Variants in ANKRD33B observed in about 807,000 individuals in gnomAD.
ANKRD33B encodes ankyrin repeat domain 33B.
In ANKRD33B, 6 loss-of-function variants were observed where a neutral mutation model predicts 21.5. The ratio of observed to expected loss-of-function variants is 0.28; its 90% CI spans 0.15 to 0.55. ANKRD33B has a LOEUF of 0.55. ANKRD33B is among the 20% of genes least tolerant of loss of function. The pLI is 0.94. For missense variants in ANKRD33B, 698 were observed against 747.2 expected, an observed-to-expected ratio of 0.93 and a Z score of 0.77; for synonymous variants, 347 against 342.4, an observed-to-expected ratio of 1.01 and a Z score of -0.15.
rs112311246 is a variant in ANKRD33B, at chr5:10,578,020, A to G, written c.366+13187A>G. ...GCACAGCCTGTGAGGGGCCTTCAGG[A>G]GTGGGGAAAGGGGCAGTGCCTTGTC... is the stretch of plus-strand genomic sequence containing the variant. On this transcript the variant is annotated intron_variant, in intron 1 of 3. Transcript: ENST00000296657. Among the ~76,000 whole-genome samples, 1,112 of 152,242 alleles carry G rather than the reference A, an allele frequency of 7.3e-3. 6 individuals carry two copies. Among genetic ancestry groups the G allele is most frequent in the Non-Finnish European group, 0.011 (736 of 68,010 alleles).
At chr5:10,566,293 G>T (rs986519687) in intron 1 of ANKRD33B, among the ~76,000 whole-genome samples, 9 of 152,212 alleles carry the variant, frequency 5.9e-5, no homozygotes, top group African/African-American at 2.2e-4. Flanking sequence ...CCTGGCGACA[G>T]ATGCCCTGGC....
At chr5:10,594,179 C>A (rs972309874) in intron 1 of ANKRD33B, among the ~76,000 whole-genome samples, 5 of 150,710 alleles carry the variant, frequency 3.3e-5, no homozygotes, top group African/African-American at 9.8e-5. Context: ...TGATTGATCT[C>A]CAATACTGCA....
rs923746863 is a variant in ANKRD33B at position 10,652,783 on chromosome 5, G to C, written c.*2670G>C. ...TGTTCCAGCCTCATCCAGGTGCACA[G>C]GATACTCTGGGGCCAGCACAGGGAT... On this transcript the variant is annotated 3_prime_UTR_variant, in exon 4 of 4. Transcript: ENST00000296657. This position sits in a 1 kb window ranked among gnomAD's most constrained non-coding sequence, Gnocchi z 4.1. 2.2e-5 allele frequency: 6 copies of C among 275,916 alleles called. No homozygotes were observed. Among genetic ancestry groups the C allele is most frequent in the African/African-American group, 6.6e-5 (3 of 45,266 alleles). The allele number at this position is 275,916 out of a possible 1,614,324, so 17.1% of individuals were successfully genotyped here. A position where few individuals can be genotyped will look rare whatever the true frequency, so the allele number is the denominator to read the frequency against.
At chr5:10,611,393 G>T (rs984667519) in intron 1 of ANKRD33B, among the ~76,000 whole-genome samples, 2 of 152,156 alleles carry the variant, frequency 1.3e-5, no homozygotes, top group African/African-American at 4.8e-5. Context: ...AACAGGGGCT[G>T]CCTGAGTCTA....
rs1737337673 is a variant in ANKRD33B, at chr5:10,650,896, C to G, written c.*783C>G. On this transcript the variant is annotated 3_prime_UTR_variant, in exon 4 of 4. Transcript: ENST00000296657. ...TTTTAAGCAAGGGGTTTTAGGTAAA[C>G]TGGATACGAAATCTTTAACATTAAA... 1 of 152,266 alleles carries G rather than the reference C, an allele frequency of 6.6e-6. No individual in the cohort carries two copies. Among genetic ancestry groups the G allele is most frequent in the Non-Finnish European group, 1.5e-5 (1 of 68,024 alleles). 9.4% of individuals were successfully genotyped at this position (152,266 alleles called of 1,614,324 possible). A position where few individuals can be genotyped will look rare whatever the true frequency, so the allele number is the denominator to read the frequency against.
intron 2 of ANKRD33B, among the ~76,000 whole-genome samples, chr5:10,624,008 A>G (rs1377684549): frequency 2.0e-5 from 3 of 152,170 alleles, no homozygotes; most frequent in Non-Finnish European, 4.4e-5. Flanking sequence ...CTCTCTGGAG[A>G]TAACTGTTGT....
intron 1 of ANKRD33B, among the ~76,000 whole-genome samples, chr5:10,574,845 T>C (rs62339261): frequency 0.66 from 44,121 of 66,764 alleles, 16,343 homozygotes; most frequent in East Asian, 0.88. Context: ...TTTGGGAGGC[T>C]GAAGCGGGAG....
At chr5:10,641,388 A>G (rs1057363905) in intron 3 of ANKRD33B, among the ~76,000 whole-genome samples, 6 of 151,548 alleles carry the variant, frequency 4.0e-5, no homozygotes, top group Non-Finnish European at 7.4e-5. Flanking sequence ...GCCACCACGC[A>G]CAGCTAATTT....
At chr5:10,643,677 G>A (rs918293155) in intron 3 of ANKRD33B, among the ~76,000 whole-genome samples, 4 of 151,924 alleles carry the variant, frequency 2.6e-5, no homozygotes, top group Non-Finnish European at 4.4e-5. Flanking sequence ...AAATTTAGCC[G>A]GGCATGGTAG....
At position 10,650,151 on chromosome 5, in the gene ANKRD33B, CG is replaced by C; in HGVS notation, c.*42del. 1 of 1,295,408 alleles carries C rather than the reference CG, an allele frequency of 7.7e-7. No homozygotes were observed. The highest frequency in any genetic ancestry group is 1.0e-6 in the Non-Finnish European group (1 of 983,424). 80.2% of individuals were successfully genotyped at this position (1,295,408 alleles called of 1,614,324 possible). ...CTGGCGCTGGGGCCGGGGCTGGGGC[CG>C]GGGCGGGGCCGCAGGGCTGGGCGCG... On this transcript the variant is annotated 3_prime_UTR_variant, in exon 4 of 4. Coordinates refer to ENST00000296657, the MANE Select transcript of ANKRD33B (RefSeq NM_001164440.2).
chr5:10,616,016 C>T (rs375457218), intron 1 of ANKRD33B, among the ~76,000 whole-genome samples: 1 of 152,100 alleles, frequency 6.6e-6, no homozygotes, highest in South Asian at 2.1e-4. Context: ...AACATTTCAC[C>T]ATATAGATGG....
Position 10,650,219 on chromosome 5 carries a change from C to T in ANKRD33B, c.*106C>T. The T allele has an allele frequency of 8.2e-7, 1 of 1,215,678 alleles. No individual in the cohort carries two copies. The allele number at this position is 1,215,678 out of a possible 1,614,324, so 75.3% of individuals were successfully genotyped here. ...CGTTGCGCATCGCACCACTTCCGCT[C>T]CATGGACCACGGGGCTGCGCGCATT... is the stretch of plus-strand genomic sequence containing the variant. On this transcript the variant is annotated 3_prime_UTR_variant, in exon 4 of 4. Transcript: ENST00000296657.
intron 1 of ANKRD33B, among the ~76,000 whole-genome samples, chr5:10,603,562 C>T (rs185508581): frequency 1.3e-5 from 2 of 152,156 alleles, no homozygotes; most frequent in Non-Finnish European, 2.9e-5. Context: ...TGTGCCCAGC[C>T]CCATCCTTAA....
intron 1 of ANKRD33B, among the ~76,000 whole-genome samples, chr5:10,570,254 A>G (rs1054713501): frequency 1.3e-5 from 2 of 152,354 alleles, no homozygotes; most frequent in African/African-American, 2.4e-5. Flanking sequence ...ACAAAACCTT[A>G]CAGGTGTTTA....
intron 1 of ANKRD33B, among the ~76,000 whole-genome samples, chr5:10,592,840 A>G (rs1735726878): frequency 6.6e-6 from 1 of 152,096 alleles, no homozygotes; most frequent in African/African-American, 2.4e-5. Flanking sequence ...AGTGGAGATG[A>G]TTGTGTGCAA....
chr5:10,652,796 C>A lies in ANKRD33B; in HGVS notation c.*2683C>A. On this transcript the variant is annotated 3_prime_UTR_variant, in exon 4 of 4. Coordinates refer to ENST00000296657, the MANE Select transcript of ANKRD33B (RefSeq NM_001164440.2). This position sits in a 1 kb window ranked among gnomAD's most constrained non-coding sequence, Gnocchi z 4.1. The stretch of plus-strand genomic sequence containing the variant: ...TCCAGGTGCACAGGATACTCTGGGG[C>A]CAGCACAGGGATTGTCCAGTGATGC... 2 of 287,492 alleles carry A rather than the reference C, an allele frequency of 7.0e-6. No homozygotes were observed. Among genetic ancestry groups the A allele is most frequent in the Non-Finnish European group, 1.4e-5 (2 of 138,716 alleles). The allele number at this position is 287,492 out of a possible 1,614,324, so 17.8% of individuals were successfully genotyped here. A position where few individuals can be genotyped will look rare whatever the true frequency, so the allele number is the denominator to read the frequency against.
chr5:10,620,312 G>A (rs1353422973), intron 2 of ANKRD33B, among the ~76,000 whole-genome samples: 1 of 152,082 alleles, frequency 6.6e-6, no homozygotes, highest in Non-Finnish European at 1.5e-5. Context: ...ACTGCAAAGG[G>A]CATATAAGTA....
chr5:10,601,033 A>G (rs930261736), intron 1 of ANKRD33B, among the ~76,000 whole-genome samples: 1 of 152,208 alleles, frequency 6.6e-6, no homozygotes, highest in Non-Finnish European at 1.5e-5. Flanking sequence ...GTCATGTGGA[A>G]GCCACCGCCC....
chr5:10,579,659 A>G (rs1367962747), intron 1 of ANKRD33B, among the ~76,000 whole-genome samples: 1 of 152,178 alleles, frequency 6.6e-6, no homozygotes, highest in Non-Finnish European at 1.5e-5. Context: ...TTAAATGAGT[A>G]GTATTAAATG....
Sources: gnomAD v4.1 joint callset for allele counts (sites outside exome capture counted in the v4.1 genomes callset) on GRCh38, gnomAD v4.1.1 for gene constraint, Gnocchi (gnomAD v3.1) non-coding constraint, MANE v1.5 for transcripts, NCBI Gene and HGNC (gene_info 2026-07-23, HGNC 2026-07-21) for gene names.